The following NPSR1 variants were observed in gnomAD, a reference collection of about 807,000 sequenced individuals.
NPSR1 encodes the protein neuropeptide S receptor 1.
Under a neutral mutation model 46.9 loss-of-function variants are expected in NPSR1, and 48 were observed. That is an observed-to-expected ratio of 1.02 (90% CI 0.81 to 1.30). The LOEUF is 1.30. Ranked by LOEUF, NPSR1 falls within the 50% of genes most tolerant of loss-of-function variation. NPSR1 has a pLI of 0.00. For missense variants in NPSR1, 450 were observed against 449.5 expected (o/e 1.00, Z -0.01); for synonymous variants, 176 against 168.1 (o/e 1.05, Z -0.36).
intron 2 of NPSR1, among the ~76,000 whole-genome samples, chr7:34,725,297 C>A (rs954659539): frequency 6.6e-6 from 1 of 152,168 alleles, no homozygotes; most frequent in African/African-American, 2.4e-5. Flanking sequence ...ATGGATGTCA[C>A]AATGCTTGTC....
In NPSR1 at chr7:34,731,605, C is replaced by T. The variant is rs112336438; in HGVS notation, c.281-46857C>T. On this transcript the variant is annotated intron_variant, in intron 2 of 8. Coordinates refer to ENST00000360581, the MANE Select transcript of NPSR1 (RefSeq NM_207172.2). Reference sequence around the variant, plus strand: ...AGAAAAAATAAATAGTATGGTAAATCGCTGGCTCCTAGAGAGTGGGCCAAT... The same window carrying T: ...AGAAAAAATAAATAGTATGGTAAATTGCTGGCTCCTAGAGAGTGGGCCAAT... 3.3e-5 allele frequency among the ~76,000 whole-genome samples: 5 copies of T among 152,240 alleles called. No individual in the cohort carries two copies. The South Asian group carries it at 6.2e-4, about 19-fold the overall frequency.
chr7:34,878,264 G>A, exon 9 of NPSR1: 1 of 808,154 alleles, frequency 1.2e-6, no homozygotes, highest in Non-Finnish European at 2.1e-6. Flanking sequence ...GACACCAGTG[G>A]TTCCCAAAAT....
At chr7:34,771,335 G>C (rs751179920) in intron 2 of NPSR1, among the ~76,000 whole-genome samples, 27 of 152,128 alleles carry the variant, frequency 1.8e-4, no homozygotes, top group Non-Finnish European at 3.4e-4. Context: ...AACTACTCAG[G>C]AGGCTGAGGC....
At chr7:34,750,785 T>C in intron 2 of NPSR1, 1 of 692,952 alleles carries the variant, frequency 1.4e-6, no homozygotes, top group Non-Finnish European at 2.7e-6. Context: ...GGCCAGGTCC[T>C]GCTGCACCTG....
intron 8 of NPSR1, among the ~76,000 whole-genome samples, chr7:34,872,408 T>C (rs1791479083): frequency 6.6e-6 from 1 of 151,938 alleles, no homozygotes; most frequent in African/African-American, 2.4e-5. Flanking sequence ...TCCCATTCTC[T>C]CAGGTATTAA....
downstream of NPSR1, among the ~76,000 whole-genome samples, chr7:34,854,312 C>G (rs1475137739): frequency 9.9e-5 from 15 of 152,236 alleles, no homozygotes; most frequent in East Asian, 2.9e-3. Flanking sequence ...TTTATCCAAA[C>G]TTACTAGTAA....
chr7:34,689,630 A>AAAAAG (rs1562653686), intron 2 of NPSR1, among the ~76,000 whole-genome samples: 24 of 145,442 alleles, frequency 1.7e-4, no homozygotes, highest in Admixed American at 4.8e-4. Context: ...AAAAAAAAAA[A>AAAAAG]AAAAGAAAAG....
rs557028603 is a variant in NPSR1, at chr7:34,787,030, A to T, written c.384+8465A>T. ...AAAAAGAATATCATGATGTCCTTTG[A>T]AGCTTTGAAGCCAGGCATTGACTTC... On this transcript the variant is annotated intron_variant, in intron 3 of 8. Transcript: ENST00000360581. 4.6e-5 allele frequency among the ~76,000 whole-genome samples: 7 copies of T among 152,242 alleles called. No homozygotes were observed. The East Asian group carries it at 1.4e-3, about 29-fold the overall frequency.
At chr7:34,798,767 A>T (rs1334318716) in intron 3 of NPSR1, among the ~76,000 whole-genome samples, 1 of 152,214 alleles carries the variant, frequency 6.6e-6, no homozygotes, top group Non-Finnish European at 1.5e-5. Flanking sequence ...GAAATTACAC[A>T]AAGTATACTC....
chr7:34,792,539 A>G (rs1787929031), intron 3 of NPSR1, among the ~76,000 whole-genome samples: 1 of 134,928 alleles, frequency 7.4e-6, no homozygotes, highest in Non-Finnish European at 1.6e-5. Context: ...GTACATATAT[A>G]CACACACACA....
intron 1 of NPSR1, among the ~76,000 whole-genome samples, chr7:34,673,289 G>A (rs35056148): frequency 0.25 from 37,654 of 151,936 alleles, 4,892 homozygotes; most frequent in South Asian, 0.34. Context: ...TATCCCCAAA[G>A]TATGTTGAAC....
intron 3 of NPSR1, among the ~76,000 whole-genome samples, chr7:34,794,188 T>C (rs965426859): frequency 1.3e-5 from 2 of 152,064 alleles, no homozygotes; most frequent in East Asian, 1.9e-4. Context: ...CAATAGTGTA[T>C]TATATATTTC....
chr7:34,830,008 C>A (rs1584112198), intron 5 of NPSR1, among the ~76,000 whole-genome samples: 1 of 152,348 alleles, frequency 6.6e-6, no homozygotes, highest in East Asian at 1.9e-4. Context: ...CTCCCTGCTG[C>A]TGAAGAAACA....
intron 2 of NPSR1, among the ~76,000 whole-genome samples, chr7:34,766,529 A>T (rs1313580018): frequency 1.3e-5 from 2 of 152,320 alleles, no homozygotes; most frequent in East Asian, 3.9e-4. Context: ...AAGAACAAAC[A>T]AATGATACAC....
At position 34,760,304 on chromosome 7, in the gene NPSR1, A is replaced by G. The variant is rs114421484; in HGVS notation, c.281-18158A>G. Among the ~76,000 whole-genome samples the G allele has an allele frequency of 3.1e-3, 470 of 152,324 alleles. 1 individual carries two copies. Among genetic ancestry groups the G allele is most frequent in the African/African-American group, 0.01 (430 of 41,582 alleles). ...GGCCCTATTCATTGCATCAGCACCA[A>G]CAACAGCTACCCAGGTTTTATAGGG... On this transcript the variant is annotated intron_variant, in intron 2 of 8. Transcript: ENST00000360581.
At position 34,778,448 on chromosome 7, in the gene NPSR1, T is replaced by C; in HGVS notation, c.281-14T>C. Reference sequence around the variant, plus strand: ...AATAAACCCTGAATGTAAGCACTTGTACGTTTTTGTTAGATTCTTTCACAG... The same window carrying C: ...AATAAACCCTGAATGTAAGCACTTGCACGTTTTTGTTAGATTCTTTCACAG... On this transcript the variant is annotated splice_polypyrimidine_tract_variant and intron_variant, in intron 2 of 8. Coordinates refer to ENST00000360581, the MANE Select transcript of NPSR1 (RefSeq NM_207172.2). 2 of 1,446,744 alleles carry C rather than the reference T, an allele frequency of 1.4e-6. No homozygotes were observed. The highest frequency in any genetic ancestry group is 1.2e-5 in the South Asian group (1 of 86,024). The allele number at this position is 1,446,744 out of a possible 1,614,324, so 89.6% of individuals were successfully genotyped here.
At chr7:34,788,776 T>C (rs2128741924) in intron 3 of NPSR1, among the ~76,000 whole-genome samples, 1 of 152,132 alleles carries the variant, frequency 6.6e-6, no homozygotes, top group East Asian at 1.9e-4. Flanking sequence ...AAAGAACGAT[T>C]GGATTTAAAC....
At chr7:34,675,366 C>G (rs1263488140) in intron 1 of NPSR1, among the ~76,000 whole-genome samples, 1 of 152,184 alleles carries the variant, frequency 6.6e-6, no homozygotes, top group Non-Finnish European at 1.5e-5. Context: ...GTTTTCAGCA[C>G]CTAACTGAAA....
chr7:34,835,531 T>C (rs562016634), intron 6 of NPSR1, among the ~76,000 whole-genome samples: 1 of 152,354 alleles, frequency 6.6e-6, no homozygotes, highest in South Asian at 2.1e-4. Flanking sequence ...GCTAAACTTT[T>C]GTTGGACCAA....
Sources: allele counts gnomAD v4.1 joint callset (sites outside exome capture counted in the v4.1 genomes callset), GRCh38; gene constraint gnomAD v4.1.1; transcripts MANE v1.5; gene names NCBI Gene and HGNC (gene_info 2026-07-23, HGNC 2026-07-21).